FRK: variants seen among roughly 807,000 people sequenced by gnomAD.
FRK encodes tyrosine-protein kinase FRK.
FRK carries 51 observed loss-of-function variants against 56.4 expected under a neutral mutation model. That is an observed-to-expected ratio of 0.90 (90% confidence interval 0.72 to 1.14). The LOEUF is 1.14. Among genes scored for constraint, FRK ranks in the 50% most tolerant of loss-of-function variants. The pLI is 0.00. For synonymous variants in FRK, 245 were observed against 217.9 expected, an observed-to-expected ratio of 1.12 and a Z score of -1.10; for missense variants, 570 against 601.4, an observed-to-expected ratio of 0.95 and a Z score of 0.55.
chr6:116,032,992 C>T (rs1562296187), intron 1 of FRK, among the ~76,000 whole-genome samples: 1 of 152,054 alleles, frequency 6.6e-6, no homozygotes, highest in Non-Finnish European at 1.5e-5. Flanking sequence ...GGACTGAAAT[C>T]TAGAAATCTG....
intron 4 of FRK, among the ~76,000 whole-genome samples, chr6:115,966,217 G>A (rs370494961): frequency 6.6e-6 from 1 of 152,028 alleles, no homozygotes; most frequent in African/African-American, 2.4e-5. Flanking sequence ...ATGCATCCCT[G>A]GGACACTGCA....
At chr6:116,016,109 G>C (rs1157988604) in intron 1 of FRK, among the ~76,000 whole-genome samples, 1 of 152,174 alleles carries the variant, frequency 6.6e-6, no homozygotes, top group African/African-American at 2.4e-5. Flanking sequence ...AGGCATGCCA[G>C]AGATCTTCAT....
At chr6:116,036,843 T>C (rs1359734170) in intron 1 of FRK, among the ~76,000 whole-genome samples, 1 of 152,198 alleles carries the variant, frequency 6.6e-6, no homozygotes, top group Non-Finnish European at 1.5e-5. Flanking sequence ...TATGTCAACA[T>C]TGGAACTGTG....
chr6:115,990,574 G>C (rs1774561547), intron 2 of FRK, among the ~76,000 whole-genome samples: 1 of 151,794 alleles, frequency 6.6e-6, no homozygotes, highest in Non-Finnish European at 1.5e-5. Context: ...TTGAAGATCA[G>C]TTGGTTTTGG....
intron 1 of FRK, among the ~76,000 whole-genome samples, chr6:116,056,659 T>C (rs1777411892): frequency 6.6e-6 from 1 of 152,180 alleles, no homozygotes; most frequent in Admixed American, 6.5e-5. Flanking sequence ...TTATGTGAAC[T>C]TTATATCTTT....
intron 2 of FRK, among the ~76,000 whole-genome samples, chr6:116,000,567 C>T (rs748680499): frequency 5.9e-5 from 9 of 151,958 alleles, no homozygotes; most frequent in Non-Finnish European, 1.2e-4. Context: ...ATATTTTTAA[C>T]GCTAATCTAA....
intron 1 of FRK, among the ~76,000 whole-genome samples, chr6:116,033,816 G>A: frequency 6.6e-6 from 1 of 152,112 alleles, no homozygotes. Context: ...AGCATAGACT[G>A]TATTTAAGGT....
intron 1 of FRK, 34 bp from the exon 2 acceptor site, chr6:116,004,032 A>G: frequency 6.3e-7 from 1 of 1,586,384 alleles, no homozygotes; most frequent in Non-Finnish European, 8.6e-7. Flanking sequence ...TTAAGTAACC[A>G]ATTAACATTC....
intron 1 of FRK, among the ~76,000 whole-genome samples, chr6:116,029,630 C>T (rs867935000): frequency 5.9e-5 from 9 of 152,138 alleles, no homozygotes; most frequent in East Asian, 1.9e-4. Flanking sequence ...GGCCAGGCAC[C>T]GTGCAAATTA....
chr6:116,003,297 A>G (rs13206506), intron 2 of FRK, among the ~76,000 whole-genome samples: 46,551 of 152,100 alleles, frequency 0.31, 7,678 homozygotes, highest in Middle Eastern at 0.44. Flanking sequence ...AGCTTTTTCA[A>G]AGCAAAGACA....
At chr6:115,991,252 T>A (rs1335819793) in intron 2 of FRK, among the ~76,000 whole-genome samples, 1 of 151,862 alleles carries the variant, frequency 6.6e-6, no homozygotes, top group East Asian at 1.9e-4. Flanking sequence ...CCAATTTAAA[T>A]GACTTTTATT....
chr6:115,972,571 C>G (rs1773848142), intron 2 of FRK, among the ~76,000 whole-genome samples: 1 of 152,212 alleles, frequency 6.6e-6, no homozygotes, highest in African/African-American at 2.4e-5. Flanking sequence ...CATTCCACTC[C>G]TTGTATCCTT....
chr6:116,057,654 A>G (rs561244190), intron 1 of FRK, among the ~76,000 whole-genome samples: 98 of 152,306 alleles, frequency 6.4e-4, no homozygotes, highest in African/African-American at 2.2e-3. Flanking sequence ...GATCCCAAGG[A>G]AAGCTAACTA....
At chr6:116,053,949 A>G (rs1046350354) in intron 1 of FRK, among the ~76,000 whole-genome samples, 2 of 152,058 alleles carry the variant, frequency 1.3e-5, no homozygotes, top group Admixed American at 6.6e-5. Flanking sequence ...ACAGGTATTA[A>G]TTAAACTTCA....
intron 2 of FRK, among the ~76,000 whole-genome samples, chr6:115,973,428 G>A (rs1270496572): frequency 6.6e-6 from 1 of 152,134 alleles, no homozygotes; most frequent in African/African-American, 2.4e-5. Context: ...GATTAAGGGT[G>A]GGATAGCATT....
intron 1 of FRK, among the ~76,000 whole-genome samples, chr6:116,020,157 T>C (rs1290683528): frequency 2.0e-5 from 3 of 152,076 alleles, no homozygotes; most frequent in African/African-American, 7.2e-5. Context: ...ACAAAATCAT[T>C]GTGACATGAA....
Position 116,002,249 on chromosome 6 carries a change from T to C in FRK, c.466+1628A>G, listed in dbSNP as rs184593834. ...GAAGTCCCAGCCTGGTGGAGCATCT[T>C]TTCTGAGTGGCTAATGCCCATCCCA... On this transcript the variant is annotated intron_variant, in intron 2 of 7. Transcript: ENST00000606080. Among the ~76,000 whole-genome samples the C allele has an allele frequency of 1.0e-3, 152 of 152,322 alleles. 1 individual carries two copies. Among genetic ancestry groups the C allele is most frequent in the African/African-American group, 3.5e-3 (146 of 41,564 alleles).
At chr6:116,053,327 G>A (rs1777248992) in intron 1 of FRK, among the ~76,000 whole-genome samples, 1 of 152,122 alleles carries the variant, frequency 6.6e-6, no homozygotes, top group African/African-American at 2.4e-5. Context: ...TTTCTGAGCT[G>A]CAACAAGAAT....
intron 2 of FRK, among the ~76,000 whole-genome samples, chr6:115,968,999 G>T (rs1773700451): frequency 6.6e-6 from 1 of 152,074 alleles, no homozygotes; most frequent in Non-Finnish European, 1.5e-5. Context: ...ATGCTTCAAA[G>T]CCTAGTATAC....
Sources: gnomAD v4.1 joint callset for allele counts (sites outside exome capture counted in the v4.1 genomes callset) on GRCh38, gnomAD v4.1.1 for gene constraint, MANE v1.5 for transcripts, NCBI Gene and HGNC (gene_info 2026-07-23, HGNC 2026-07-21) for gene names.